SRRM3: variants seen among roughly 807,000 people sequenced by gnomAD.
The protein encoded by SRRM3 is serine/arginine repetitive matrix protein 3.
Under a neutral mutation model 66.2 loss-of-function variants are expected in SRRM3, and 27 were observed. That is an observed-to-expected ratio of 0.41 (90% CI 0.30 to 0.56). The LOEUF is 0.56. Ranked by LOEUF, SRRM3 falls within the 20% of genes least tolerant of loss-of-function variation. SRRM3 has a pLI of 0.32. For missense variants in SRRM3, 918 were observed against 991.9 expected, an observed-to-expected ratio of 0.93 and a Z score of 1.00; for synonymous variants, 391 against 414.9, an observed-to-expected ratio of 0.94 and a Z score of 0.70.
At chr7:76,263,576 T>C (rs1801932774) in intron 8 of SRRM3, among the ~76,000 whole-genome samples, 3 of 151,814 alleles carry the variant, frequency 2.0e-5, no homozygotes, top group African/African-American at 4.8e-5. Flanking sequence ...AGCAGGGAGA[T>C]TGGCCAGGCA....
At chr7:76,242,963 G>A (rs1199095074) in intron 2 of SRRM3, among the ~76,000 whole-genome samples, 2 of 152,142 alleles carry the variant, frequency 1.3e-5, no homozygotes, top group African/African-American at 4.8e-5. Context: ...ACCCCAACCT[G>A]AGGTATCAGC....
At chr7:76,242,455 A>G (rs1801330876) in intron 2 of SRRM3, among the ~76,000 whole-genome samples, 2 of 150,500 alleles carry the variant, frequency 1.3e-5, no homozygotes, top group Admixed American at 1.3e-4. Context: ...TTTGCACTCC[A>G]GCCTGAGCAA....
intron 1 of SRRM3, among the ~76,000 whole-genome samples, chr7:76,212,191 C>G (rs1800450302): frequency 7.9e-6 from 1 of 126,220 alleles, no homozygotes; most frequent in African/African-American, 3.2e-5. Context: ...GACAGGGTCT[C>G]AAACTGTTAC....
Position 76,263,093 on chromosome 7 carries a change from T to G in SRRM3, c.674+1512T>G, listed in dbSNP as rs975258701. Among the ~76,000 whole-genome samples, 3 of 152,182 alleles carry G rather than the reference T, an allele frequency of 2.0e-5. No individual in the cohort carries two copies. In the South Asian group the frequency reaches 6.2e-4, roughly 31 times the overall value. ...TTCATCTTCCCCTGGCCTCCCAGTG[T>G]CTATGGATCAGTGTGGGTCCCTACT... On this transcript the variant is annotated intron_variant, in intron 8 of 14. Coordinates refer to ENST00000611745, the MANE Select transcript of SRRM3 (RefSeq NM_001110199.3).
intron 2 of SRRM3, among the ~76,000 whole-genome samples, chr7:76,240,272 C>G (rs192787299): frequency 1.9e-3 from 283 of 151,930 alleles, no homozygotes; most frequent in Non-Finnish European, 2.7e-3. Context: ...TTGCTTGAGG[C>G]CAAGAGTTTG....
chr7:76,232,212 T>C (rs527660708), intron 1 of SRRM3, among the ~76,000 whole-genome samples: 3 of 152,194 alleles, frequency 2.0e-5, no homozygotes, highest in Admixed American at 6.5e-5. Flanking sequence ...GCCAGACCTT[T>C]GAACCCACAG....
intron 1 of SRRM3, among the ~76,000 whole-genome samples, chr7:76,226,856 G>C (rs1554603778): frequency 6.6e-6 from 1 of 152,174 alleles, no homozygotes; most frequent in African/African-American, 2.4e-5. Flanking sequence ...CTCCCAAAGT[G>C]CTGAGATTAC....
At position 76,211,244 on chromosome 7, in the gene SRRM3, G is replaced by A. The variant is rs533620399; in HGVS notation, c.-40+9177G>A. On this transcript the variant is annotated intron_variant, in intron 1 of 14. Transcript: ENST00000611745. Reference sequence around the variant, plus strand: ...TGAGCCGGCCTCACAGATGGAGCTCGTAGAATGAATGCAGGTTTGCCAGGC... The same window carrying A: ...TGAGCCGGCCTCACAGATGGAGCTCATAGAATGAATGCAGGTTTGCCAGGC... 6.6e-5 allele frequency among the ~76,000 whole-genome samples: 10 copies of A among 152,342 alleles called. No homozygotes were observed. The South Asian group carries it at 8.3e-4, about 13-fold the overall frequency.
chr7:76,242,520 C>T (rs530288976), intron 2 of SRRM3, among the ~76,000 whole-genome samples: 45 of 139,314 alleles, frequency 3.2e-4, no homozygotes, highest in Non-Finnish European at 5.9e-4. Context: ...ATGGACTAGG[C>T]GGGGTGGTGG....
chr7:76,280,543 T>C, intron 11 of SRRM3, among the ~76,000 whole-genome samples: 1 of 151,568 alleles, frequency 6.6e-6, no homozygotes, highest in East Asian at 2.0e-4. Context: ...CCCCGATGCC[T>C]GTCCTGGAGC....
intron 1 of SRRM3, among the ~76,000 whole-genome samples, chr7:76,231,885 ACT>A (rs1554604255): frequency 6.6e-6 from 1 of 151,986 alleles, no homozygotes; most frequent in Non-Finnish European, 1.5e-5. Context: ...GGGAAACAGG[ACT>A]CCAGCGGAGG....
chr7:76,285,704 G>C lies in SRRM3; in HGVS notation c.1823G>C (p.Ser608Thr). The C allele has an allele frequency of 6.4e-7, 1 of 1,550,954 alleles. No homozygotes were observed. Among genetic ancestry groups the C allele is most frequent in the African/African-American group, 1.4e-5 (1 of 73,160 alleles). ...AGCGACTACTCGACCCGGAGCCACA[G>C]CCGCAGCCCCAGCCCCGGCCACAGC... ...LSSDYSTRSH[S>T]RSPSPGHSHG... is the part of the protein sequence containing the mutation. Residue 608 changes from serine to threonine, a missense_variant, in exon 15 of 15, where the codon AGC becomes ACC. Physicochemically the swap from Ser to Thr is moderately conservative, Grantham distance 58. Transcript: ENST00000611745. The surrounding 1 kb of genome is among the most constrained non-coding windows in gnomAD (Gnocchi z 4.1).
intron 11 of SRRM3, chr7:76,269,820 ATCTT>A (rs1190681382): frequency 3.3e-5 from 4 of 120,984 alleles, no homozygotes; most frequent in African/African-American, 1.2e-4. Context: ...TTTTTTTTCT[ATCTT>A]CTATGTTCTA....
At position 76,285,715 on chromosome 7, in the gene SRRM3, A is replaced by T; in HGVS notation, c.1834A>T (p.Ser612Cys). 1.9e-6 allele frequency: 3 copies of T among 1,550,768 alleles called. No individual in the cohort carries two copies. Among genetic ancestry groups the T allele is most frequent in the Non-Finnish European group, 2.6e-6 (3 of 1,146,828 alleles). Reference sequence around the variant, plus strand: ...GACCCGGAGCCACAGCCGCAGCCCCAGCCCCGGCCACAGCCACGGGAGCTA... The same window carrying T: ...GACCCGGAGCCACAGCCGCAGCCCCTGCCCCGGCCACAGCCACGGGAGCTA... ...YSTRSHSRSP[S>C]PGHSHGSYSS... The change falls in exon 15 of 15, where the codon AGC (serine) becomes TGC (cysteine). Residue 612 changes from serine (S) to cysteine (C), a missense_variant. Physicochemically the swap from Ser to Cys is moderately radical, Grantham distance 112 (BLOSUM62 -1). Transcript: ENST00000611745. The surrounding 1 kb of genome is among the most constrained non-coding windows in gnomAD (Gnocchi z 4.1).
intron 3 of SRRM3, among the ~76,000 whole-genome samples, chr7:76,256,716 C>CTTTT (rs781795981): frequency 3.7e-5 from 5 of 133,642 alleles, no homozygotes; most frequent in Non-Finnish European, 8.1e-5. Context: ...GCTTCTTTTT[C>CTTTT]TTTTTTTTTT....
At chr7:76,267,658 G>C in intron 11 of SRRM3, 1 of 412,424 alleles carries the variant, frequency 2.4e-6, no homozygotes, top group Non-Finnish European at 4.1e-6. Context: ...GGTGAGGGGC[G>C]CCTGCGGTCT....
intron 3 of SRRM3, among the ~76,000 whole-genome samples, chr7:76,258,040 T>C (rs112122741): frequency 1.1e-4 from 17 of 152,120 alleles, no homozygotes; most frequent in African/African-American, 3.6e-4. Flanking sequence ...CCAACATCTG[T>C]GGCAGAGGCT....
intron 1 of SRRM3, among the ~76,000 whole-genome samples, chr7:76,212,400 T>G (rs1344975690): frequency 6.9e-6 from 1 of 144,946 alleles, no homozygotes; most frequent in Non-Finnish European, 1.5e-5. Flanking sequence ...CAACTGATCC[T>G]CCCACCTCGG....
chr7:76,229,580 T>C (rs897896924), intron 1 of SRRM3, among the ~76,000 whole-genome samples: 1 of 152,166 alleles, frequency 6.6e-6, no homozygotes, highest in Non-Finnish European at 1.5e-5. Flanking sequence ...ATCCACATTG[T>C]GATATTGACT....
Sources: allele counts gnomAD v4.1 joint callset (sites outside exome capture counted in the v4.1 genomes callset), GRCh38; gene constraint gnomAD v4.1.1; non-coding constraint Gnocchi (gnomAD v3.1); transcripts MANE v1.5; gene names NCBI Gene and HGNC (gene_info 2026-07-23, HGNC 2026-07-21).